Variants in RBM34 observed in about 807,000 individuals in gnomAD.
RBM34 encodes RNA binding motif protein 34, also known as RNA-binding protein 34.
In RBM34, 39 loss-of-function variants were observed where a neutral mutation model predicts 44.6. That is an observed-to-expected ratio of 0.87 (90% CI 0.68 to 1.14). The LOEUF is 1.14. Ranked by LOEUF, RBM34 falls within the 50% of genes most tolerant of loss-of-function variation. The probability of loss-of-function intolerance (pLI) is 0.00; values close to 1 mark genes in which losing one functional copy is unlikely to be tolerated. For synonymous variants in RBM34, 194 were observed against 184.0 expected (o/e 1.05, Z -0.44); for missense variants, 572 against 517.9 (o/e 1.10, Z -1.01).
intron 3 of RBM34, among the ~76,000 whole-genome samples, chr1:235,157,959 G>C (rs1662522166): frequency 1.3e-5 from 2 of 151,762 alleles, no homozygotes; most frequent in Admixed American, 6.6e-5. Context: ...AGAAGGGAGA[G>C]AGTACAAGAA....
chr1:235,137,538 T>C (rs1278971691), intron 8 of RBM34, among the ~76,000 whole-genome samples: 1 of 145,958 alleles, frequency 6.9e-6, no homozygotes, highest in Non-Finnish European at 1.5e-5. Context: ...CACACTTGAC[T>C]AATTTTTTTT....
chr1:235,145,474 C>T (rs914010112), intron 6 of RBM34, among the ~76,000 whole-genome samples: 5 of 151,886 alleles, frequency 3.3e-5, no homozygotes, highest in South Asian at 4.1e-4. Flanking sequence ...GATGAGGTCT[C>T]GCCACGCTGC....
intron 6 of RBM34, among the ~76,000 whole-genome samples, chr1:235,145,513 T>C (rs779926880): frequency 1.3e-5 from 2 of 151,994 alleles, no homozygotes; most frequent in Non-Finnish European, 2.9e-5. Flanking sequence ...CCTAGGCTCA[T>C]GCAATCCACC....
At chr1:235,148,492 T>A in intron 5 of RBM34, 45 bp from the exon 6 acceptor site, 2 of 1,401,646 alleles carry the variant, frequency 1.4e-6, no homozygotes, top group Non-Finnish European at 2.0e-6. Context: ...ATTTGAAGTA[T>A]TACCTCAAAT....
intron 10 of RBM34, among the ~76,000 whole-genome samples, chr1:235,132,383 A>C (rs2102820589): frequency 6.6e-6 from 1 of 152,180 alleles, no homozygotes; most frequent in South Asian, 2.1e-4. Context: ...ATCTCGGCTC[A>C]CTGTGACCTC....
At chr1:235,152,806 A>T in intron 4 of RBM34, 41 bp from the exon 5 acceptor site, 1 of 1,467,292 alleles carries the variant, frequency 6.8e-7, no homozygotes, top group South Asian at 1.2e-5. Context: ...TGACCTTCAG[A>T]ACATCAAATA....
intron 3 of RBM34, among the ~76,000 whole-genome samples, chr1:235,156,029 C>T (rs1157294232): frequency 6.7e-6 from 1 of 149,922 alleles, no homozygotes; most frequent in Admixed American, 6.7e-5. Context: ...TGCCACCAAG[C>T]CCAGCTAATT....
At position 235,161,164 on chromosome 1, in the gene RBM34, C is replaced by T. The variant is rs375845719; in HGVS notation, c.53+10G>A. ...TCCCTCCCCAGGTACTCGTGCCGCG[C>T]GCCACTCACCCCTCCTGGACACTTC... is the stretch of plus-strand genomic sequence containing the variant. On this transcript the variant is annotated intron_variant, in intron 1 of 10. Transcript: ENST00000408888. 5.7e-5 allele frequency: 91 copies of T among 1,598,556 alleles called. No homozygotes were observed. The highest frequency in any genetic ancestry group is 7.5e-5 in the Non-Finnish European group (88 of 1,169,422).
chr1:235,148,406 T>C lies in RBM34; in HGVS notation c.699A>G (p.Ile233Met). 1.3e-6 allele frequency: 2 copies of C among 1,597,046 alleles called. No homozygotes were observed. The highest frequency in any genetic ancestry group is 8.5e-7 in the Non-Finnish European group (1 of 1,172,808). ...EGTLSKKLAA[I>M]KRKIHPDQKN... ...CCTTTCTCTAATTATAAACTTACTT[T>C]ATTGCTGCCAACTTTTTGGATAGCG... The change falls in exon 6 of 11, where the codon ATA (isoleucine) becomes ATG (methionine). Residue 233 changes from isoleucine to methionine, a missense_variant and splice_region_variant. Transcript: ENST00000408888.
At chr1:235,147,839 T>C (rs1661970188) in intron 6 of RBM34, among the ~76,000 whole-genome samples, 1 of 152,094 alleles carries the variant, frequency 6.6e-6, no homozygotes. Flanking sequence ...ATGAGACTAA[T>C]AGGAAACCGG....
rs267598423 is a variant in RBM34 at position 235,138,164 on chromosome 1, G to T, written c.712C>A (p.His238Asn). 6.3e-7 allele frequency: 1 copy of T among 1,584,536 alleles called. No homozygotes were observed. Among genetic ancestry groups the T allele is most frequent in the South Asian group, 1.2e-5 (1 of 86,158 alleles). Reference sequence around the variant, plus strand: ...GCATTAATATTTTTCTGATCAGGATGAATTTTACGTCTACACCAAAAAAAA... The same window carrying T: ...GCATTAATATTTTTCTGATCAGGATTAATTTTACGTCTACACCAAAAAAAA... ...KKLAAIKRKI[H>N]PDQKNINAYV... Residue 238 changes from histidine (H) to asparagine (N), a missense_variant, in exon 7 of 11, where the codon CAT becomes AAT. By Grantham distance (68) the His-to-Asn change is moderately conservative. Transcript: ENST00000408888.
At chr1:235,150,470 T>A (rs1450056857) in intron 5 of RBM34, among the ~76,000 whole-genome samples, 1 of 152,032 alleles carries the variant, frequency 6.6e-6, no homozygotes, top group African/African-American at 2.4e-5. Flanking sequence ...ATATAAAGTA[T>A]CGGAAAAGCT....
At chr1:235,141,918 C>T (rs1217410329) in intron 6 of RBM34, among the ~76,000 whole-genome samples, 1 of 152,192 alleles carries the variant, frequency 6.6e-6, no homozygotes, top group Non-Finnish European at 1.5e-5. Flanking sequence ...ACACTCACCG[C>T]GAGGGTCCGC....
At chr1:235,156,703 G>A (rs573753378) in intron 3 of RBM34, 8 of 435,062 alleles carry the variant, frequency 1.8e-5, no homozygotes, top group Admixed American at 1.3e-4. Flanking sequence ...TAAGGAGTGA[G>A]GGAAGAGAAG....
intron 6 of RBM34, among the ~76,000 whole-genome samples, chr1:235,144,986 T>A (rs1661842171): frequency 6.6e-6 from 1 of 152,094 alleles, no homozygotes; most frequent in African/African-American, 2.4e-5. Flanking sequence ...GAGATTACGG[T>A]GAGCTGAGAT....
At chr1:235,146,038 G>A (rs1558143174) in intron 6 of RBM34, among the ~76,000 whole-genome samples, 1 of 145,146 alleles carries the variant, frequency 6.9e-6, no homozygotes, top group Non-Finnish European at 1.5e-5. Context: ...TGCCAGGGGT[G>A]CAATCATAGC....
At chr1:235,153,668 C>T (rs996818669) in intron 4 of RBM34, among the ~76,000 whole-genome samples, 5 of 152,128 alleles carry the variant, frequency 3.3e-5, no homozygotes, top group African/African-American at 9.7e-5. Flanking sequence ...TCAGGGGATC[C>T]GCCCGCCTTG....
chr1:235,140,284 A>AGGGAGAGGCGCGAGT (rs1661621688), intron 6 of RBM34, among the ~76,000 whole-genome samples: 1 of 152,094 alleles, frequency 6.6e-6, no homozygotes, highest in Admixed American at 6.5e-5. Context: ...GGAGGTGTGG[A>AGGGAGAGGCGCGAGT]GGGAGAGGCG....
At chr1:235,135,976 C>G in intron 9 of RBM34, 58 bp downstream of exon 9, 2 of 1,408,126 alleles carry the variant, frequency 1.4e-6, no homozygotes, top group Non-Finnish European at 2.0e-6. Context: ...CTACTCAGTT[C>G]TTATTTCCTT....
Sources: allele counts gnomAD v4.1 joint callset (sites outside exome capture counted in the v4.1 genomes callset), GRCh38; gene constraint gnomAD v4.1.1; transcripts MANE v1.5; gene names NCBI Gene and HGNC (gene_info 2026-07-23, HGNC 2026-07-21).